TTLL7: variants seen among roughly 807,000 people sequenced by gnomAD.
The protein encoded by TTLL7 is tubulin polyglutamylase TTLL7.
A neutral mutation model predicts 120.2 loss-of-function variants in TTLL7; 53 were observed. The observed-to-expected ratio is 0.44, with a 90% CI of 0.35 to 0.55. The LOEUF is 0.55. Among genes scored for constraint, TTLL7 ranks in the 20% least tolerant of loss-of-function variants. The pLI is 0.00. For missense variants in TTLL7, 803 were observed against 1,054.7 expected (o/e 0.76, Z 3.31); for synonymous variants, 353 against 351.7 (o/e 1.00, Z -0.04).
intron 10 of TTLL7, among the ~76,000 whole-genome samples, chr1:83,927,015 G>C (rs1362762941): frequency 6.6e-6 from 1 of 151,820 alleles, no homozygotes; most frequent in African/African-American, 2.4e-5. Flanking sequence ...AAAATTATTT[G>C]AATCTGTACT....
intron 1 of TTLL7, among the ~76,000 whole-genome samples, chr1:83,959,452 T>C (rs1215142157): frequency 1.3e-5 from 2 of 152,210 alleles, no homozygotes; most frequent in African/African-American, 2.4e-5. Context: ...AGCAGGACTC[T>C]CACTTTTTTT....
At chr1:83,959,072 T>C (rs1313177534) in intron 1 of TTLL7, among the ~76,000 whole-genome samples, 1 of 152,238 alleles carries the variant, frequency 6.6e-6, no homozygotes, top group Non-Finnish European at 1.5e-5. Context: ...TGAAATTATA[T>C]ATTAATGTCT....
At chr1:83,899,017 T>C (rs1039873695) in intron 18 of TTLL7, among the ~76,000 whole-genome samples, 1 of 151,922 alleles carries the variant, frequency 6.6e-6, no homozygotes, top group Non-Finnish European at 1.5e-5. Flanking sequence ...GTTAGGCTTC[T>C]TTTTGTGAAT....
intron 9 of TTLL7, among the ~76,000 whole-genome samples, chr1:83,931,181 T>C (rs1302380233): frequency 6.6e-6 from 1 of 152,006 alleles, no homozygotes; most frequent in Non-Finnish European, 1.5e-5. Context: ...AAAACATAGA[T>C]GTTAAAGTCT....
intron 19 of TTLL7, among the ~76,000 whole-genome samples, chr1:83,883,398 AGAGT>A (rs1654697897): frequency 2.6e-5 from 4 of 151,892 alleles, no homozygotes; most frequent in South Asian, 2.1e-4. Context: ...TGTGAGAGAG[AGAGT>A]GTGTCTCACT....
intron 20 of TTLL7, among the ~76,000 whole-genome samples, chr1:83,882,317 C>CA (rs34439348): frequency 4.0e-4 from 60 of 148,412 alleles, no homozygotes; most frequent in Admixed American, 1.2e-3. Context: ...CACTTTCTGT[C>CA]AAAAAAAAAA....
intron 10 of TTLL7, among the ~76,000 whole-genome samples, chr1:83,928,514 T>C (rs1040016065): frequency 2.0e-5 from 3 of 152,288 alleles, no homozygotes; most frequent in Middle Eastern, 3.4e-3. Context: ...CCCATGATCA[T>C]GTACACTGCA....
Position 83,942,634 on chromosome 1 carries a change from A to T in TTLL7, c.552T>A (p.His184Gln). The part of the protein sequence containing the change: ...RNGDKLPSQD[H>Q]LIVQEYIEKP... ...TTTCAATGTATTCTTGAACAATCAA[A>T]TGATCCTGAGATGGAAGTTTGTCAC... is the stretch of plus-strand genomic sequence containing the variant. Residue 184 changes from histidine (H) to glutamine (Q), a missense_variant, in exon 7 of 21, where the codon CAT becomes CAA. His to Gln is a conservative substitution (Grantham distance 24, BLOSUM62 0). Transcript: ENST00000260505. 6.2e-7 allele frequency: 1 copy of T among 1,613,886 alleles called. No individual in the cohort carries two copies. The highest frequency in any genetic ancestry group is 8.5e-7 in the Non-Finnish European group (1 of 1,179,864).
At chr1:83,959,300 T>C (rs915762196) in intron 1 of TTLL7, among the ~76,000 whole-genome samples, 3 of 152,210 alleles carry the variant, frequency 2.0e-5, no homozygotes, top group Non-Finnish European at 2.9e-5. Flanking sequence ...GGCCAACAGC[T>C]GGTGGCCAGG....
intron 1 of TTLL7, among the ~76,000 whole-genome samples, chr1:83,993,086 T>C (rs1162598346): frequency 6.6e-6 from 1 of 152,170 alleles, no homozygotes; most frequent in Non-Finnish European, 1.5e-5. Flanking sequence ...GATGCTAACT[T>C]TTTCTACCAA....
intron 1 of TTLL7, among the ~76,000 whole-genome samples, chr1:83,972,968 T>C (rs1054635196): frequency 2.6e-5 from 4 of 152,112 alleles, no homozygotes; most frequent in Admixed American, 2.6e-4. Context: ...TTCTGGATAA[T>C]AGTCCTTTGT....
intron 7 of TTLL7, among the ~76,000 whole-genome samples, chr1:83,938,855 A>G (rs554659808): frequency 6.6e-6 from 1 of 152,194 alleles, no homozygotes; most frequent in Non-Finnish European, 1.5e-5. Flanking sequence ...GCAATGTTAC[A>G]TCACAATTAA....
At chr1:83,963,148 T>G (rs575249685) in intron 1 of TTLL7, among the ~76,000 whole-genome samples, 3 of 152,136 alleles carry the variant, frequency 2.0e-5, no homozygotes, top group South Asian at 4.2e-4. Context: ...TTAGGTGGAG[T>G]TGATGCCAAT....
chr1:83,931,994 T>C (rs1365748611), intron 9 of TTLL7, among the ~76,000 whole-genome samples: 2 of 152,192 alleles, frequency 1.3e-5, no homozygotes, highest in African/African-American at 2.4e-5. Context: ...CTCTTGGTTA[T>C]TGTGGAGTGT....
At chr1:83,987,870 A>G (rs913364118) in intron 1 of TTLL7, among the ~76,000 whole-genome samples, 13 of 152,050 alleles carry the variant, frequency 8.5e-5, no homozygotes, top group Non-Finnish European at 1.5e-4. Flanking sequence ...CTATTTGTTT[A>G]TTTATTCTAT....
intron 18 of TTLL7, among the ~76,000 whole-genome samples, chr1:83,902,637 C>A (rs1359833891): frequency 2.0e-5 from 3 of 151,922 alleles, no homozygotes; most frequent in Admixed American, 2.0e-4. Context: ...TAGATTCTCC[C>A]CATCTCTCTG....
At chr1:83,884,869 A>G (rs951563495) in intron 19 of TTLL7, among the ~76,000 whole-genome samples, 11 of 151,994 alleles carry the variant, frequency 7.2e-5, no homozygotes, top group African/African-American at 2.7e-4. Flanking sequence ...AACTTAAAGT[A>G]TAATAATAAT....
rs1365533217 is a variant in TTLL7 at position 83,933,725 on chromosome 1, G to A, written c.930C>T (p.Val310=). Residue 310 remains valine, a synonymous_variant, in exon 9 of 21, where the codon GTC becomes GTT. Transcript: ENST00000260505. ...GTCTACACATTCGATAGGCATGCAG[G>A]ACATGAGGTTCTGCTACAATCAGGG... The part of the protein sequence containing the change: ...VKTLIVAEPH[V]LHAYRMCRPG... The A allele has an allele frequency of 1.9e-6, 3 of 1,612,986 alleles. No homozygotes were observed. Among genetic ancestry groups the A allele is most frequent in the African/African-American group, 1.3e-5 (1 of 74,830 alleles).
At chr1:83,988,083 C>T (rs1045445200) in intron 1 of TTLL7, among the ~76,000 whole-genome samples, 5 of 152,134 alleles carry the variant, frequency 3.3e-5, no homozygotes, top group African/African-American at 4.8e-5. Context: ...GTCATCTTTA[C>T]GTCCATGAGT....
Sources: gnomAD v4.1 joint callset for allele counts (sites outside exome capture counted in the v4.1 genomes callset) on GRCh38, gnomAD v4.1.1 for gene constraint, MANE v1.5 for transcripts, NCBI Gene and HGNC (gene_info 2026-07-23, HGNC 2026-07-21) for gene names.